AMMECR1: variants seen among roughly 807,000 people sequenced by gnomAD.
The protein encoded by AMMECR1 is nuclear protein AMMECR1.
AMMECR1 carries 3 observed loss-of-function variants against 22.5 expected under a neutral mutation model. The ratio of observed to expected loss-of-function variants is 0.13; its 90% CI spans 0.06 to 0.35. The LOEUF is 0.35. Ranked by LOEUF, AMMECR1 falls within the 10% of genes least tolerant of loss-of-function variation. The pLI is 1.00. For synonymous variants in AMMECR1, 130 were observed against 116.7 expected, an observed-to-expected ratio of 1.11 and a Z score of -0.74; for missense variants, 235 against 278.7, an observed-to-expected ratio of 0.84 and a Z score of 1.12.
intron 2 of AMMECR1, chrX:110,219,303 G>C: frequency 1.4e-6 from 1 of 708,007 alleles, no homozygotes; most frequent in South Asian, 7.2e-5. Context: ...ACCAATATTT[G>C]TTGTTGTTTG....
At chrX:110,237,404 T>C (rs976451131) in intron 2 of AMMECR1, among the ~76,000 whole-genome samples, 1 of 110,405 alleles carries the variant, frequency 9.1e-6, no homozygotes, top group Non-Finnish European at 1.9e-5. Flanking sequence ...TCTGAAGCAA[T>C]GAGAATTATC....
intron 2 of AMMECR1, among the ~76,000 whole-genome samples, chrX:110,234,160 C>T (rs1179687726): frequency 9.0e-6 from 1 of 111,726 alleles, no homozygotes; most frequent in Non-Finnish European, 1.9e-5. Flanking sequence ...GTGCAAAAAT[C>T]ACAAGCATTC....
At chrX:110,352,056 AC>A (rs1233244342) in intron 2 of AMMECR1, among the ~76,000 whole-genome samples, 3 of 112,031 alleles carry the variant, frequency 2.7e-5, no homozygotes, top group Admixed American at 9.5e-5. Context: ...GGTGGCTATA[AC>A]TTTTTTTAAA....
At chrX:110,393,679 C>T (rs953871589) in intron 2 of AMMECR1, among the ~76,000 whole-genome samples, 4 of 112,199 alleles carry the variant, frequency 3.6e-5, no homozygotes, top group African/African-American at 1.3e-4. Context: ...CAATCCTATA[C>T]AGCAGGTCCT....
chrX:110,432,770 C>T (rs1257079126), intron 1 of AMMECR1, among the ~76,000 whole-genome samples: 1 of 112,494 alleles, frequency 8.9e-6, no homozygotes, highest in Admixed American at 9.3e-5. Context: ...TCTTTCCCCA[C>T]CCCTGCTTCC....
At chrX:110,204,145 T>G (rs1435089112) in intron 3 of AMMECR1, among the ~76,000 whole-genome samples, 5 of 111,596 alleles carry the variant, frequency 4.5e-5, no homozygotes, top group Non-Finnish European at 9.4e-5. Context: ...ATGACAAATT[T>G]GCAAAATTTC....
chrX:110,414,591 C>T (rs1335288532), intron 2 of AMMECR1, among the ~76,000 whole-genome samples: 1 of 113,190 alleles, frequency 8.8e-6, no homozygotes, highest in Admixed American at 9.3e-5. Context: ...GGTTAAGTCA[C>T]TCACTAACGT....
intron 1 of AMMECR1, among the ~76,000 whole-genome samples, chrX:110,314,942 G>GA (rs1273618933): frequency 8.9e-6 from 1 of 111,809 alleles, no homozygotes; most frequent in African/African-American, 3.3e-5. Flanking sequence ...CATTCTGAGA[G>GA]AAAAGTCCTG....
chrX:110,216,609 G>A lies in AMMECR1; in HGVS notation c.608C>T (p.Pro203Leu), dbSNP rs1337964488. 8.3e-7 allele frequency: 1 copy of A among 1,203,468 alleles called. No homozygotes were observed. Among genetic ancestry groups the A allele is most frequent in the Non-Finnish European group, 1.1e-6 (1 of 889,157 alleles). The change falls in exon 3 of 6, where the codon CCC (proline) becomes CTC (leucine). Residue 203 changes from proline to leucine, a missense_variant. By Grantham distance (98) the Pro-to-Leu change is moderately conservative. Coordinates refer to ENST00000262844, the MANE Select transcript of AMMECR1 (RefSeq NM_015365.3). ...TGGCAGCTCATCCCTTGTCATTGGGGGAAAACGGCTATCTTTAAGGGCACT... is the reference window on the plus strand; with the variant it reads ...TGGCAGCTCATCCCTTGTCATTGGGAGAAAACGGCTATCTTTAAGGGCACT... Reference protein sequence around the residue: ...LTSALKDSRFPPMTRDELPRL... With the variant: ...LTSALKDSRFLPMTRDELPRL...
At chrX:110,225,366 C>T (rs2067527018) in intron 2 of AMMECR1, among the ~76,000 whole-genome samples, 1 of 112,286 alleles carries the variant, frequency 8.9e-6, no homozygotes, top group Non-Finnish European at 1.9e-5. Context: ...TTTTCTTGCC[C>T]TTGCATTATC....
chrX:110,422,045 G>A (rs755462187), intron 2 of AMMECR1, among the ~76,000 whole-genome samples: 17 of 113,086 alleles, frequency 1.5e-4, no homozygotes, highest in African/African-American at 5.1e-4. Context: ...TTGCCTTATG[G>A]CTGCAGATTC....
intron 3 of AMMECR1, among the ~76,000 whole-genome samples, chrX:110,212,396 C>T (rs1241144769): frequency 9.0e-6 from 1 of 111,599 alleles, no homozygotes; most frequent in Non-Finnish European, 1.9e-5. Context: ...TTAATCTGGG[C>T]ATTTTCATCC....
intron 2 of AMMECR1, among the ~76,000 whole-genome samples, chrX:110,262,466 C>G (rs921312827): frequency 8.9e-6 from 1 of 111,862 alleles, no homozygotes; most frequent in African/African-American, 3.2e-5. Flanking sequence ...ACAAGGTATA[C>G]AAATGTAGGC....
chrX:110,295,694 T>C (rs1387856151), intron 1 of AMMECR1, among the ~76,000 whole-genome samples: 1 of 111,760 alleles, frequency 8.9e-6, no homozygotes, highest in Non-Finnish European at 1.9e-5. Flanking sequence ...ACCAATTCTT[T>C]ATTCTAGTTT....
At chrX:110,250,419 A>C (rs1199118597) in intron 2 of AMMECR1, among the ~76,000 whole-genome samples, 1 of 111,809 alleles carries the variant, frequency 8.9e-6, no homozygotes, top group Non-Finnish European at 1.9e-5. Context: ...TTGTGGCAGC[A>C]GTAGCTTCAA....
intron 1 of AMMECR1, among the ~76,000 whole-genome samples, chrX:110,269,544 G>A (rs2067788033): frequency 9.1e-6 from 1 of 109,632 alleles, no homozygotes; most frequent in South Asian, 4.0e-4. Context: ...GGGGATACAG[G>A]AAAAGAGAGA....
intron 2 of AMMECR1, among the ~76,000 whole-genome samples, chrX:110,407,279 G>A (rs2068609432): frequency 1.8e-5 from 2 of 112,182 alleles, no homozygotes; most frequent in African/African-American, 6.5e-5. Flanking sequence ...GGTGAAGAGA[G>A]TCCTTGAGAT....
intron 2 of AMMECR1, among the ~76,000 whole-genome samples, chrX:110,357,289 T>C (rs747612674): frequency 1.8e-5 from 2 of 112,554 alleles, no homozygotes; most frequent in African/African-American, 3.2e-5. Context: ...GTGATAGATA[T>C]ACATAAAATC....
chrX:110,318,006 A>G lies in AMMECR1; in HGVS notation c.66T>C (p.Gly22=). 8.3e-7 allele frequency: 1 copy of G among 1,205,092 alleles called. No homozygotes were observed. The highest frequency in any genetic ancestry group is 1.1e-6 in the Non-Finnish European group (1 of 892,994). ...AGGAGGAGGAGGCGCCACCACCGCC[A>G]CCCGAGCCAGAGGGGGGCGAACTGG... The part of the protein sequence containing the change: ...KLSSSPPSGS[G]GGGGASSSSH... Residue 22 remains glycine, a synonymous_variant, in exon 1 of 6, where the codon GGT becomes GGC. Transcript: ENST00000262844.
Sources: gnomAD v4.1 joint callset for allele counts (sites outside exome capture counted in the v4.1 genomes callset) on GRCh38, gnomAD v4.1.1 for gene constraint, MANE v1.5 for transcripts, NCBI Gene and HGNC (gene_info 2026-07-23, HGNC 2026-07-21) for gene names.